The following TNIP3 variants were observed in gnomAD, a reference collection of about 807,000 sequenced individuals.
TNIP3 encodes TNFAIP3 interacting protein 3, also known as TNFAIP3-interacting protein 3.
A neutral mutation model predicts 54.1 loss-of-function variants in TNIP3; 34 were observed. That is an observed-to-expected ratio of 0.63 (90% CI 0.48 to 0.84). TNIP3 has a LOEUF of 0.84. TNIP3 is among the 40% of genes least tolerant of loss of function. The pLI is 0.00. For missense variants in TNIP3, 366 were observed against 387.6 expected, an observed-to-expected ratio of 0.94 and a Z score of 0.47; for synonymous variants, 134 against 136.8, an observed-to-expected ratio of 0.98 and a Z score of 0.14.
intron 2 of TNIP3, among the ~76,000 whole-genome samples, chr4:121,213,289 G>A (rs1188207108): frequency 6.6e-6 from 1 of 152,018 alleles, no homozygotes; most frequent in Non-Finnish European, 1.5e-5. Context: ...TTTAATGCCA[G>A]GTAAAAGGGT....
At position 121,132,576 on chromosome 4, in the gene TNIP3, G is replaced by T; in HGVS notation, c.*55C>A. On this transcript the variant is annotated 3_prime_UTR_variant, in exon 11 of 11. Transcript: ENST00000057513. ...AAGCCTCAGTATAAACAAAGAAGAG[G>T]GTCCTCAGCCACGCTCCCTCGTTGC... is the stretch of plus-strand genomic sequence containing the variant. 6.5e-7 allele frequency: 1 copy of T among 1,535,772 alleles called. No homozygotes were observed. The highest frequency in any genetic ancestry group is 9.0e-7 in the Non-Finnish European group (1 of 1,110,896).
chr4:121,135,240 A>T (rs1406129249), intron 10 of TNIP3, among the ~76,000 whole-genome samples: 1 of 152,196 alleles, frequency 6.6e-6, no homozygotes, highest in Non-Finnish European at 1.5e-5. Flanking sequence ...TCTATGCTTG[A>T]TTCATGAGAT....
intron 1 of TNIP3, among the ~76,000 whole-genome samples, chr4:121,224,667 A>T (rs894840911): frequency 1.3e-5 from 2 of 152,028 alleles, no homozygotes; most frequent in Non-Finnish European, 2.9e-5. Flanking sequence ...CTTTCTACTC[A>T]TTTTTTTCTG....
chr4:121,199,215 C>T (rs749064624), intron 2 of TNIP3, among the ~76,000 whole-genome samples: 2 of 152,108 alleles, frequency 1.3e-5, no homozygotes, highest in Admixed American at 6.5e-5. Context: ...GGGACACACT[C>T]ATGGAAATGG....
chr4:121,161,182 TTCA>T lies in TNIP3; in HGVS notation c.98_100del (p.Met33del). The T allele has an allele frequency of 6.3e-7, 1 of 1,587,608 alleles. No homozygotes were observed. Among genetic ancestry groups the T allele is most frequent in the Non-Finnish European group, 8.6e-7 (1 of 1,164,028 alleles). The stretch of plus-strand genomic sequence containing the variant: ...ACACCTTATCTTTTGTTCAAGAGAA[TTCA>T]TCAAGTTCTTTCTTGTTGATGGTTC... On this transcript the variant is annotated inframe_deletion, in exon 2 of 11. Transcript: ENST00000057513.
chr4:121,182,576 C>T, intron 3 of TNIP3: 2 of 1,367,738 alleles, frequency 1.5e-6, no homozygotes, highest in Non-Finnish European at 2.0e-6. Context: ...AAGTACATGA[C>T]TGACGGTAAA....
intron 2 of TNIP3, among the ~76,000 whole-genome samples, chr4:121,187,525 C>T (rs909909651): frequency 3.3e-5 from 5 of 152,170 alleles, no homozygotes; most frequent in African/African-American, 4.8e-5. Context: ...TCTTAGTGAC[C>T]TCAGCCATTG....
chr4:121,205,399 G>C (rs1726126646), intron 2 of TNIP3, among the ~76,000 whole-genome samples: 1 of 152,108 alleles, frequency 6.6e-6, no homozygotes, highest in Non-Finnish European at 1.5e-5. Flanking sequence ...GATTAAACCA[G>C]AAAGGTAAAA....
chr4:121,210,242 G>C (rs1726407815), intron 2 of TNIP3, among the ~76,000 whole-genome samples: 1 of 152,068 alleles, frequency 6.6e-6, no homozygotes, highest in South Asian at 2.1e-4. Flanking sequence ...AATAAAGAAA[G>C]GAAAAATTAC....
Position 121,150,177 on chromosome 4 carries a change from C to T in TNIP3, c.535G>A (p.Asp179Asn). The change falls in exon 6 of 11, where the codon GAC becomes AAC. Residue 179 changes from aspartate (D) to asparagine (N), a missense_variant. By Grantham distance (23) the Asp-to-Asn change is conservative. Transcript: ENST00000057513. ...ALNIKCSFSE[D>N]CLRKSRVEFC... ...TCCACTCGAGACTTCCTCAAACAGT[C>T]CTCGGAAAATGAACACTTGATATTC... The T allele has an allele frequency of 1.2e-6, 2 of 1,613,818 alleles. No individual in the cohort carries two copies. The highest frequency in any genetic ancestry group is 1.7e-6 in the Non-Finnish European group (2 of 1,179,844).
At position 121,189,925 on chromosome 4, in the gene TNIP3, T is replaced by C. The variant is rs547093468; in HGVS notation, c.69-7129A>G. Reference sequence around the variant, plus strand: ...CACTATACTGATGCCACAAACTAGATCCAAACCTCTTGTGGCTGTGCCCAG... The same window carrying C: ...CACTATACTGATGCCACAAACTAGACCCAAACCTCTTGTGGCTGTGCCCAG... On this transcript the variant is annotated intron_variant, in intron 2 of 12. Coordinates refer to the TNIP3 transcript ENST00000507879. 8.4e-4 allele frequency among the ~76,000 whole-genome samples: 128 copies of C among 152,232 alleles called. 1 individual carries two copies. Among genetic ancestry groups the C allele is most frequent in the African/African-American group, 2.7e-3 (112 of 41,544 alleles).
intron 2 of TNIP3, among the ~76,000 whole-genome samples, chr4:121,200,238 G>A (rs1241895395): frequency 6.6e-6 from 1 of 151,890 alleles, no homozygotes; most frequent in Non-Finnish European, 1.5e-5. Flanking sequence ...TGAACAATGG[G>A]TTCACCGAGA....
intron 3 of TNIP3, among the ~76,000 whole-genome samples, chr4:121,171,916 A>G (rs1723983275): frequency 6.6e-6 from 1 of 152,094 alleles, no homozygotes; most frequent in Non-Finnish European, 1.5e-5. Context: ...TATTTTTAGT[A>G]GAGATGGGGT....
intron 2 of TNIP3, among the ~76,000 whole-genome samples, chr4:121,196,393 T>G (rs1725584794): frequency 1.3e-5 from 2 of 152,008 alleles, no homozygotes; most frequent in South Asian, 2.1e-4. Context: ...CAAGTATAGG[T>G]TTTTTTTAAG....
chr4:121,197,902 G>A (rs919504128), intron 2 of TNIP3, among the ~76,000 whole-genome samples: 6 of 152,266 alleles, frequency 3.9e-5, no homozygotes, highest in Middle Eastern at 6.8e-3. Flanking sequence ...AGTGTTTTGC[G>A]CTATGGAAAG....
chr4:121,187,167 A>C (rs570679442), intron 2 of TNIP3, among the ~76,000 whole-genome samples: 3 of 152,176 alleles, frequency 2.0e-5, no homozygotes, highest in Non-Finnish European at 4.4e-5. Context: ...CTCTTAATAC[A>C]ATACTATGAC....
upstream of TNIP3, among the ~76,000 whole-genome samples, chr4:121,219,921 A>G (rs1726960811): frequency 6.6e-6 from 1 of 152,178 alleles, no homozygotes; most frequent in Admixed American, 6.5e-5. Flanking sequence ...AAACTGTTTC[A>G]TTTCACTATC....
At chr4:121,167,264 T>C (rs534356628), upstream of TNIP3, among the ~76,000 whole-genome samples, 1 of 152,170 alleles carries the variant, frequency 6.6e-6, no homozygotes, top group South Asian at 2.1e-4. Flanking sequence ...TGTGTGTATG[T>C]CAATATATAT....
rs913083338 is a variant in TNIP3 at position 121,161,354 on chromosome 4, T to A, written c.67-138A>T. Reference sequence around the variant, plus strand: ...AAATACCTGATTCTAGCAGTAATAATCCTCATACCCTAAGTCCTTCATCAT... The same window carrying A: ...AAATACCTGATTCTAGCAGTAATAAACCTCATACCCTAAGTCCTTCATCAT... On this transcript the variant is annotated intron_variant, in intron 1 of 10. Coordinates refer to ENST00000057513, the MANE Select transcript of TNIP3 (RefSeq NM_024873.6). 2.8e-5 allele frequency: 19 copies of A among 679,050 alleles called. No homozygotes were observed. The African/African-American group carries it at 3.5e-4, about 12-fold the overall frequency. The allele number at this position is 679,050 out of a possible 1,614,324, so 42.1% of individuals were successfully genotyped here.
Sources: gnomAD v4.1 joint callset for allele counts (sites outside exome capture counted in the v4.1 genomes callset) on GRCh38, gnomAD v4.1.1 for gene constraint, MANE v1.5 for transcripts, NCBI Gene and HGNC (gene_info 2026-07-23, HGNC 2026-07-21) for gene names.